The following MTOR variants were observed in gnomAD, a reference collection of about 807,000 sequenced individuals.
The protein encoded by MTOR is serine/threonine-protein kinase mTOR.
A neutral mutation model predicts 319.8 loss-of-function variants in MTOR; 70 were observed. The observed-to-expected ratio is 0.22, with a 90% CI of 0.18 to 0.27. MTOR has a LOEUF of 0.27. MTOR is among the 10% of genes least tolerant of loss of function. The pLI, the probability that MTOR is intolerant of heterozygous loss-of-function variation, is 1.00. For missense variants in MTOR, 1,890 were observed against 3,274.4 expected (o/e 0.58, Z 10.32); for synonymous variants, 1,183 against 1,211.4 (o/e 0.98, Z 0.49).
At chr1:11,160,454 G>A (rs1644444269) in intron 29 of MTOR, among the ~76,000 whole-genome samples, 1 of 152,128 alleles carries the variant, frequency 6.6e-6, no homozygotes, top group African/African-American at 2.4e-5. Context: ...AGTATCTAAT[G>A]AGGATTAACT....
chr1:11,146,397 C>A (rs969771390), intron 32 of MTOR, among the ~76,000 whole-genome samples: 1 of 152,178 alleles, frequency 6.6e-6, no homozygotes, highest in African/African-American at 2.4e-5. Flanking sequence ...CAGCTTCTCT[C>A]TACAACAAGG....
chr1:11,184,094 T>A (rs1330269673), intron 28 of MTOR, among the ~76,000 whole-genome samples: 22 of 152,246 alleles, frequency 1.4e-4, no homozygotes, highest in Admixed American at 1.4e-3. Flanking sequence ...TATGTAGTAG[T>A]GTAACTCTTC....
chr1:11,216,785 T>A (rs1428938262), intron 19 of MTOR, among the ~76,000 whole-genome samples: 3 of 151,982 alleles, frequency 2.0e-5, no homozygotes, highest in Non-Finnish European at 2.9e-5. Context: ...TCATTTAACC[T>A]CCCTGTGCCC....
chr1:11,125,798 T>C (rs1642799711), intron 46 of MTOR, among the ~76,000 whole-genome samples: 1 of 149,592 alleles, frequency 6.7e-6, no homozygotes, highest in Admixed American at 6.7e-5. Flanking sequence ...TCCCAGCACT[T>C]TGGAAGGCTG....
At chr1:11,161,915 C>T (rs543057540) in intron 29 of MTOR, among the ~76,000 whole-genome samples, 19 of 152,286 alleles carry the variant, frequency 1.2e-4, no homozygotes, top group South Asian at 4.1e-4. Flanking sequence ...TTGCCAGCAA[C>T]GGAACAAAGC....
At chr1:11,235,612 T>A (rs1183945819) in intron 13 of MTOR, among the ~76,000 whole-genome samples, 1 of 152,154 alleles carries the variant, frequency 6.6e-6, no homozygotes, top group African/African-American at 2.4e-5. Flanking sequence ...ATTCAGTACA[T>A]AAATTCATTC....
intron 13 of MTOR, among the ~76,000 whole-genome samples, chr1:11,235,016 A>G (rs1569720722): frequency 6.6e-6 from 1 of 152,188 alleles, no homozygotes; most frequent in South Asian, 2.1e-4. Context: ...AGGAGTCTAC[A>G]ATTTAACATT....
chr1:11,166,497 T>C (rs1644647744), intron 29 of MTOR, among the ~76,000 whole-genome samples: 1 of 152,078 alleles, frequency 6.6e-6, no homozygotes, highest in Non-Finnish European at 1.5e-5. Flanking sequence ...CATGAAAAAA[T>C]GCTCATCACT....
intron 30 of MTOR, chr1:11,152,213 C>T (rs965775210): frequency 5.3e-5 from 8 of 152,198 alleles, no homozygotes; most frequent in African/African-American, 1.9e-4. Flanking sequence ...AAATAAAAAA[C>T]ATGAGATTGT....
chr1:11,125,949 G>A (rs1446117353), intron 46 of MTOR, among the ~76,000 whole-genome samples: 1 of 148,616 alleles, frequency 6.7e-6, no homozygotes, highest in Admixed American at 6.7e-5. Context: ...GCTGAGACAG[G>A]AGAATTGCTT....
At chr1:11,197,771 G>A (rs1374149611) in intron 28 of MTOR, among the ~76,000 whole-genome samples, 1 of 152,144 alleles carries the variant, frequency 6.6e-6, no homozygotes, top group African/African-American at 2.4e-5. Context: ...TCGAACTCCT[G>A]ACATCAAGTG....
intron 3 of MTOR, among the ~76,000 whole-genome samples, chr1:11,257,757 A>G (rs1017362873): frequency 6.6e-6 from 1 of 152,120 alleles, no homozygotes; most frequent in African/African-American, 2.4e-5. Flanking sequence ...CCAAAAAGGG[A>G]AAACAACTGG....
intron 28 of MTOR, among the ~76,000 whole-genome samples, chr1:11,191,588 A>G (rs553456877): frequency 3.9e-5 from 6 of 152,320 alleles, no homozygotes; most frequent in African/African-American, 1.4e-4. Flanking sequence ...TATTTAGAAT[A>G]CAGAGCTTAA....
At chr1:11,154,434 TA>T (rs1644253985) in intron 30 of MTOR, among the ~76,000 whole-genome samples, 1 of 150,938 alleles carries the variant, frequency 6.6e-6, no homozygotes. Context: ...TTCCTATAAA[TA>T]AAAAAATAAA....
intron 5 of MTOR, 146 bp downstream of exon 5, chr1:11,255,846 C>CAACAA (rs1222737230): frequency 5.6e-6 from 3 of 533,614 alleles, no homozygotes; most frequent in Non-Finnish European, 8.8e-6. Context: ...GACTCCATCA[C>CAACAA]AAAAAAAAAA....
chr1:11,147,841 C>T (rs752202829), intron 31 of MTOR, among the ~76,000 whole-genome samples: 1 of 152,286 alleles, frequency 6.6e-6, no homozygotes, highest in East Asian at 1.9e-4. Context: ...ATTGATAATC[C>T]TCTTAGCTGG....
intron 28 of MTOR, among the ~76,000 whole-genome samples, chr1:11,198,932 G>A (rs976009153): frequency 3.9e-5 from 6 of 152,256 alleles, no homozygotes; most frequent in Non-Finnish European, 8.8e-5. Context: ...TCTAGACAGC[G>A]CTATCTAACC....
chr1:11,133,148 C>T lies in MTOR; in HGVS notation c.5296G>A (p.Glu1766Lys). The T allele has an allele frequency of 6.2e-7, 1 of 1,614,156 alleles. No individual in the cohort carries two copies. The highest frequency in any genetic ancestry group is 8.5e-7 in the Non-Finnish European group (1 of 1,180,020). ...TGCAGCACTTTGGGGATTGTGCTCT[C>T]ATTGATGCCCTGTAGATTCAGCTGC... ...EWQLNLQGIN[E>K]STIPKVLQYY... The change falls in exon 38 of 58, where the codon GAG (glutamate) becomes AAG (lysine). Residue 1766 changes from glutamate (E) to lysine (K), a missense_variant. This residue lies in a region of MTOR where 276 missense variants were observed against 459.4 expected (regional missense o/e 0.60). Transcript: ENST00000361445. The surrounding 1 kb of genome is among the most constrained non-coding windows in gnomAD (Gnocchi z 4.0).
chr1:11,234,409 C>T, intron 13 of MTOR, 144 bp from the exon 14 acceptor site: 1 of 955,346 alleles, frequency 1.0e-6, no homozygotes, highest in Non-Finnish European at 1.6e-6. Flanking sequence ...ACTCAATGAG[C>T]AACAGACTTT....
Sources: allele counts gnomAD v4.1 joint callset (sites outside exome capture counted in the v4.1 genomes callset), GRCh38; gene constraint gnomAD v4.1.1; regional missense constraint gnomAD v4.1.1; non-coding constraint Gnocchi (gnomAD v3.1); transcripts MANE v1.5; gene names NCBI Gene and HGNC (gene_info 2026-07-23, HGNC 2026-07-21).